Variants in ARHGAP17 observed in about 807,000 individuals in gnomAD.
ARHGAP17 encodes the protein rho GTPase-activating protein 17.
ARHGAP17 carries 57 observed loss-of-function variants against 99.5 expected under a neutral mutation model. That is an observed-to-expected ratio of 0.57 (90% CI 0.46 to 0.71). ARHGAP17 has a LOEUF of 0.71. ARHGAP17 is among the 30% of genes least tolerant of loss of function. ARHGAP17 has a pLI of 0.00. For missense variants in ARHGAP17, 1,000 were observed against 1,122.4 expected, an observed-to-expected ratio of 0.89 and a Z score of 1.56; for synonymous variants, 417 against 429.6, an observed-to-expected ratio of 0.97 and a Z score of 0.36.
Position 24,930,850 on chromosome 16 carries a change from C to T in ARHGAP17, c.2449G>A (p.Gly817Ser), listed in dbSNP as rs1039907880. 2.5e-6 allele frequency: 4 copies of T among 1,613,628 alleles called. No individual in the cohort carries two copies. The African/African-American group carries it at 4.0e-5, about 16-fold the overall frequency. ...CTGCTGTCCCCAGCTGAGTGGACAC[C>T]AGGAGGTTGGGGGGGTGGGGGCACG... ...PSVPPPPQPP[G>S]VHSAGDSSLT... Residue 817 changes from glycine to serine, a missense_variant, in exon 19 of 20, where the codon GGT becomes AGT. Gly to Ser is a moderately conservative substitution (Grantham distance 56). Around this residue, in one of 2 missense-constraint regions of ARHGAP17, gnomAD observed 528 missense variants for 511.4 expected, o/e 1.03. Coordinates refer to ENST00000289968, the MANE Select transcript of ARHGAP17 (RefSeq NM_001006634.3).
intron 1 of ARHGAP17, among the ~76,000 whole-genome samples, chr16:24,993,103 A>T (rs2053096795): frequency 6.6e-6 from 1 of 152,184 alleles, no homozygotes; most frequent in Non-Finnish European, 1.5e-5. Flanking sequence ...ACGTGCTGGC[A>T]TTGTAGGCAT....
Position 24,954,585 on chromosome 16 carries a change from T to C in ARHGAP17, c.852+18A>G. ...GGGCATGGAGACTTGGTGCACAGGA[T>C]CACGAAGCTCCCCTCACCTCCTCCT... On this transcript the variant is annotated intron_variant, in intron 10 of 19. Coordinates refer to ENST00000289968, the MANE Select transcript of ARHGAP17 (RefSeq NM_001006634.3). The C allele has an allele frequency of 1.2e-6, 2 of 1,607,832 alleles. No homozygotes were observed. The highest frequency in any genetic ancestry group is 2.2e-5 in the East Asian group (1 of 44,764).
intron 1 of ARHGAP17, among the ~76,000 whole-genome samples, chr16:24,994,413 A>C (rs548236849): frequency 1.3e-5 from 2 of 152,344 alleles, no homozygotes; most frequent in South Asian, 2.1e-4. Flanking sequence ...CTAACTTTTC[A>C]TTTGGTTAGT....
intron 19 of ARHGAP17, among the ~76,000 whole-genome samples, chr16:24,928,601 T>C (rs2050901565): frequency 6.6e-6 from 1 of 152,206 alleles, no homozygotes; most frequent in Admixed American, 6.5e-5. Context: ...CACCCGGGCC[T>C]CCTCCCTGTT....
At chr16:24,944,501 T>C (rs1345258760) in intron 14 of ARHGAP17, among the ~76,000 whole-genome samples, 1 of 152,214 alleles carries the variant, frequency 6.6e-6, no homozygotes. Context: ...CCCACTGGAA[T>C]AGCATCACAC....
At chr16:24,960,661 C>CA (rs1256164668) in intron 7 of ARHGAP17, among the ~76,000 whole-genome samples, 4 of 148,480 alleles carry the variant, frequency 2.7e-5, no homozygotes, top group East Asian at 2.0e-4. Context: ...ACTAAAAATA[C>CA]AAAAAATTAG....
intron 6 of ARHGAP17, among the ~76,000 whole-genome samples, chr16:24,966,965 TG>T (rs990866060): frequency 2.0e-5 from 3 of 152,222 alleles, no homozygotes; most frequent in Middle Eastern, 3.2e-3. Flanking sequence ...CCAAGTCACA[TG>T]GAAAGGCCTA....
chr16:24,973,788 T>C (rs1424082784), intron 3 of ARHGAP17, among the ~76,000 whole-genome samples: 1 of 152,248 alleles, frequency 6.6e-6, no homozygotes, highest in African/African-American at 2.4e-5. Context: ...TCATTTTATA[T>C]CTCCAGCACT....
rs772749231 is a variant in ARHGAP17, at chr16:24,920,294, G to A, written c.2516-34C>T. On this transcript the variant is annotated intron_variant, in intron 19 of 19. Transcript: ENST00000289968. Reference sequence around the variant, plus strand: ...AAACACGAGGAGACATGGTATCAATGAGGGGTAACCCCCGAGAGGCCACCT... The same window carrying A: ...AAACACGAGGAGACATGGTATCAATAAGGGGTAACCCCCGAGAGGCCACCT... The A allele has an allele frequency of 5.0e-6, 8 of 1,612,392 alleles. No individual in the cohort carries two copies. In the South Asian group the frequency reaches 8.8e-5, roughly 18 times the overall value.
In ARHGAP17 at chr16:25,015,267, CG is replaced by C; in HGVS notation, c.-7del. 7.5e-7 allele frequency: 1 copy of C among 1,340,088 alleles called. No homozygotes were observed. Among genetic ancestry groups the C allele is most frequent in the East Asian group, 3.2e-5 (1 of 31,192 alleles). The allele number at this position is 1,340,088 out of a possible 1,614,324, so 83.0% of individuals were successfully genotyped here. The stretch of plus-strand genomic sequence containing the variant: ...CGGTTGAACTGCTTCTTCATGGCGG[CG>C]GTGGCGGCGGCGGCCCGCGGGGCTC... On this transcript the variant is annotated 5_prime_UTR_variant, in exon 1 of 20. Coordinates refer to ENST00000289968, the MANE Select transcript of ARHGAP17 (RefSeq NM_001006634.3).
intron 19 of ARHGAP17, among the ~76,000 whole-genome samples, chr16:24,928,069 T>C (rs8044079): frequency 0.023 from 3,470 of 152,328 alleles, 128 homozygotes; most frequent in African/African-American, 0.078. Flanking sequence ...CATCTAAAGT[T>C]TTCTAAGTGA....
At chr16:25,003,341 T>G (rs1173523727) in intron 1 of ARHGAP17, among the ~76,000 whole-genome samples, 1 of 150,210 alleles carries the variant, frequency 6.7e-6, no homozygotes, top group Non-Finnish European at 1.5e-5. Flanking sequence ...TTCAAGCGAT[T>G]CTCGTGCCTC....
intron 14 of ARHGAP17, among the ~76,000 whole-genome samples, chr16:24,946,961 G>T (rs2051491878): frequency 6.6e-6 from 1 of 152,148 alleles, no homozygotes; most frequent in Non-Finnish European, 1.5e-5. Context: ...TAATATACGT[G>T]AAATCCCATT....
At chr16:24,935,375 G>A (rs1034943057) in intron 18 of ARHGAP17, 95 bp downstream of exon 18, 20 of 1,361,108 alleles carry the variant, frequency 1.5e-5, no homozygotes, top group Non-Finnish European at 1.9e-5. Flanking sequence ...ACATAGAAAA[G>A]ATCTGGCCAC....
chr16:25,006,538 G>A (rs988440407), intron 1 of ARHGAP17, among the ~76,000 whole-genome samples: 1 of 152,162 alleles, frequency 6.6e-6, no homozygotes, highest in Non-Finnish European at 1.5e-5. Context: ...AAAAGAATGG[G>A]ACTGACAGGT....
chr16:24,976,510 T>C (rs1291716071), intron 3 of ARHGAP17, among the ~76,000 whole-genome samples: 2 of 149,398 alleles, frequency 1.3e-5, no homozygotes, highest in African/African-American at 5.0e-5. Flanking sequence ...GCCTGGGTCA[T>C]GGAGTGAGAC....
intron 9 of ARHGAP17, among the ~76,000 whole-genome samples, chr16:24,958,091 G>A (rs571866812): frequency 2.9e-4 from 44 of 152,236 alleles, no homozygotes; most frequent in African/African-American, 9.2e-4. Context: ...CTTCCTCCAC[G>A]GGCTGTTCCA....
At position 24,974,248 on chromosome 16, in the gene ARHGAP17, T is replaced by C. The variant is rs140698204; in HGVS notation, c.198+2967A>G. On this transcript the variant is annotated intron_variant, in intron 3 of 19. Transcript: ENST00000289968. The stretch of plus-strand genomic sequence containing the variant: ...GAGTTGGAAACCAGCCTGGTCAACA[T>C]GGTGAAATCCTGTCTCTACTAAAAA... Among the ~76,000 whole-genome samples the C allele has an allele frequency of 1.7e-3, 255 of 152,216 alleles. 1 individual carries two copies. The highest frequency in any genetic ancestry group is 5.9e-3 in the African/African-American group (246 of 41,528).
intron 18 of ARHGAP17, among the ~76,000 whole-genome samples, chr16:24,931,728 C>T (rs562760401): frequency 1.1e-4 from 16 of 152,046 alleles, no homozygotes; most frequent in Admixed American, 2.0e-4. Context: ...ACGATGACTA[C>T]ATATAATGTG....
Sources: gnomAD v4.1 joint callset for allele counts (sites outside exome capture counted in the v4.1 genomes callset) on GRCh38, gnomAD v4.1.1 for gene constraint, gnomAD v4.1.1 regional missense constraint, MANE v1.5 for transcripts, NCBI Gene and HGNC (gene_info 2026-07-23, HGNC 2026-07-21) for gene names.